The following NCALD variants were observed in gnomAD, a reference collection of about 807,000 sequenced individuals.
The protein encoded by NCALD is neurocalcin delta.
A neutral mutation model predicts 18.6 loss-of-function variants in NCALD; 10 were observed. The observed-to-expected ratio is 0.54, with a 90% CI of 0.33 to 0.91. NCALD has a LOEUF of 0.91. Among genes scored for constraint, NCALD ranks in the 40% least tolerant of loss-of-function variants. The pLI is 0.03. For missense variants in NCALD, 184 were observed against 247.6 expected (o/e 0.74, Z 1.72); for synonymous variants, 88 against 87.4 (o/e 1.01, Z -0.04).
At chr8:101,856,378 G>T (rs572746004) in intron 4 of NCALD, among the ~76,000 whole-genome samples, 1 of 152,048 alleles carries the variant, frequency 6.6e-6, no homozygotes, top group Non-Finnish European at 1.5e-5. Context: ...TCTCTATGTT[G>T]CCCAGGCTGG....
chr8:101,842,025 A>G (rs1004988966), intron 4 of NCALD, among the ~76,000 whole-genome samples: 1 of 152,228 alleles, frequency 6.6e-6, no homozygotes, highest in Non-Finnish European at 1.5e-5. Context: ...TCTCACAGTT[A>G]TGGAGGCTAG....
chr8:101,701,627 T>C (rs975276618), intron 2 of NCALD, among the ~76,000 whole-genome samples: 8 of 152,218 alleles, frequency 5.3e-5, no homozygotes, highest in East Asian at 1.9e-4. Context: ...AAGGGAGGAC[T>C]CAGGTCTGCA....
At chr8:101,872,896 C>T (rs1816079328) in intron 4 of NCALD, among the ~76,000 whole-genome samples, 1 of 152,090 alleles carries the variant, frequency 6.6e-6, no homozygotes. Flanking sequence ...CTCTGTGTAT[C>T]GAATCAGTTC....
chr8:101,995,296 G>C (rs1484502024), intron 2 of NCALD, among the ~76,000 whole-genome samples: 3 of 152,188 alleles, frequency 2.0e-5, no homozygotes, highest in African/African-American at 7.2e-5. Flanking sequence ...TATAAGCCAT[G>C]ACATGCAAAA....
At chr8:101,834,296 G>T (rs1489345855) in intron 4 of NCALD, among the ~76,000 whole-genome samples, 1 of 152,220 alleles carries the variant, frequency 6.6e-6, no homozygotes, top group African/African-American at 2.4e-5. Flanking sequence ...CCCCTGCTGG[G>T]GCTGGCCTCA....
rs985836295 is a variant in NCALD, at chr8:102,094,488, C to T, written c.-210+29749G>A. Among the ~76,000 whole-genome samples, 36 of 152,332 alleles carry T rather than the reference C, an allele frequency of 2.4e-4. 1 individual carries two copies. Among genetic ancestry groups the T allele is most frequent in the Admixed American group, 1.8e-3 (28 of 15,310 alleles). On this transcript the variant is annotated intron_variant, in intron 1 of 6. Transcript: ENST00000311028. ...TGGGATTTAAACACATCTGCCTCCA[C>T]ATCCTGTACTATTTCCACTACTCCA...
At chr8:101,961,258 A>C (rs759582959) in intron 2 of NCALD, among the ~76,000 whole-genome samples, 3 of 152,166 alleles carry the variant, frequency 2.0e-5, no homozygotes, top group Non-Finnish European at 4.4e-5. Context: ...ATAATAAGTC[A>C]ATAACATTGT....
chr8:101,722,438 G>C (rs1159227572), intron 1 of NCALD, among the ~76,000 whole-genome samples: 12 of 152,178 alleles, frequency 7.9e-5, no homozygotes, highest in Admixed American at 7.9e-4. Context: ...GAATTTACAA[G>C]TAATTTCAAG....
At chr8:101,891,351 T>C (rs1213681302) in intron 3 of NCALD, among the ~76,000 whole-genome samples, 1 of 152,254 alleles carries the variant, frequency 6.6e-6, no homozygotes, top group Non-Finnish European at 1.5e-5. Context: ...AGAATATTAG[T>C]AAATACAATC....
At chr8:101,782,083 TTATATATATATAAATATACATATAATA>T (rs1812038590) in intron 1 of NCALD, among the ~76,000 whole-genome samples, 1 of 147,934 alleles carries the variant, frequency 6.8e-6, no homozygotes, top group Admixed American at 6.8e-5. Context: ...ATTGTATGTT[TTATATATATATAAATATACATATAATA>T]TATATTTATA....
At chr8:101,895,089 A>G (rs932528266) in intron 3 of NCALD, among the ~76,000 whole-genome samples, 1 of 150,722 alleles carries the variant, frequency 6.6e-6, no homozygotes, top group African/African-American at 2.5e-5. Context: ...AATATCCTTG[A>G]TGAACATTGA....
intron 4 of NCALD, among the ~76,000 whole-genome samples, chr8:101,803,594 C>A (rs10105948): frequency 0.027 from 4,038 of 152,210 alleles, 193 homozygotes; most frequent in African/African-American, 0.092. Flanking sequence ...TGAAAACCTT[C>A]TGGATAAGAG....
At chr8:101,711,740 G>T (rs573311492) in intron 2 of NCALD, among the ~76,000 whole-genome samples, 2 of 151,672 alleles carry the variant, frequency 1.3e-5, no homozygotes, top group East Asian at 3.9e-4. Context: ...GAAAAGGAAC[G>T]AGCAAAGCCT....
chr8:101,755,731 A>C (rs1298834864), intron 1 of NCALD, among the ~76,000 whole-genome samples: 1 of 152,224 alleles, frequency 6.6e-6, no homozygotes, highest in Non-Finnish European at 1.5e-5. Flanking sequence ...AATCCTTTCC[A>C]ACATAAGATA....
intron 2 of NCALD, among the ~76,000 whole-genome samples, chr8:101,989,486 A>T (rs1820959273): frequency 6.6e-6 from 1 of 152,250 alleles, no homozygotes; most frequent in Non-Finnish European, 1.5e-5. Flanking sequence ...GAGAAGATTG[A>T]TTTAATAGGA....
At chr8:101,855,891 T>G (rs1428285901) in intron 4 of NCALD, among the ~76,000 whole-genome samples, 2 of 152,350 alleles carry the variant, frequency 1.3e-5, no homozygotes, top group East Asian at 3.9e-4. Context: ...CTTCTAATTA[T>G]AAGGTCTTAG....
At chr8:102,115,481 CAG>C (rs1201816568) in intron 1 of NCALD, among the ~76,000 whole-genome samples, 1 of 152,126 alleles carries the variant, frequency 6.6e-6, no homozygotes, top group Non-Finnish European at 1.5e-5. Flanking sequence ...GACAATAAAA[CAG>C]AATAATTGAT....
At chr8:101,774,032 G>A (rs750006585) in intron 1 of NCALD, among the ~76,000 whole-genome samples, 103 of 152,300 alleles carry the variant, frequency 6.8e-4, no homozygotes, top group Non-Finnish European at 2.1e-4. Context: ...GCTATGACAA[G>A]TAAGGGGATT....
At chr8:101,805,505 C>T (rs547063250) in intron 4 of NCALD, among the ~76,000 whole-genome samples, 38 of 152,288 alleles carry the variant, frequency 2.5e-4, no homozygotes, top group African/African-American at 7.7e-4. Context: ...ATGCAGCTTG[C>T]TTTTAGAGTA....
Sources: allele counts gnomAD v4.1 joint callset (sites outside exome capture counted in the v4.1 genomes callset), GRCh38; gene constraint gnomAD v4.1.1; transcripts MANE v1.5; gene names NCBI Gene and HGNC (gene_info 2026-07-23, HGNC 2026-07-21).